The following ANK3 variants were observed in gnomAD, a reference collection of about 807,000 sequenced individuals.
ANK3 encodes the protein ankyrin-3.
Under a neutral mutation model 370.9 loss-of-function variants are expected in ANK3, and 57 were observed. That is an observed-to-expected ratio of 0.15 (90% CI 0.12 to 0.19). The LOEUF is 0.19. Among genes scored for constraint, ANK3 ranks in the 10% least tolerant of loss-of-function variants. The pLI is 1.00. For synonymous variants in ANK3, 1,929 were observed against 1,946.3 expected (o/e 0.99, Z 0.23); for missense variants, 4,439 against 5,302.1 (o/e 0.84, Z 5.06).
chr10:60,186,579 C>A (rs1402897362), intron 17 of ANK3, 136 bp downstream of exon 17: 1 of 1,019,928 alleles, frequency 9.8e-7, no homozygotes, highest in Non-Finnish European at 1.5e-6. Flanking sequence ...TTAAGTAACA[C>A]TTTGGTAAAC....
chr10:60,057,864 C>T (rs10761446), intron 41 of ANK3, among the ~76,000 whole-genome samples: 100,819 of 152,052 alleles, frequency 0.66, 35,600 homozygotes, highest in East Asian at 0.84. Flanking sequence ...TTCTTTGCAA[C>T]TGTCTCTTTT....
chr10:60,582,557 G>A (rs1231332204), intron 2 of ANK3, among the ~76,000 whole-genome samples: 2 of 151,684 alleles, frequency 1.3e-5, no homozygotes, highest in Admixed American at 1.3e-4. Context: ...AGGCCCAATG[G>A]GACTTCAGGC....
chr10:60,415,721 T>C (rs2132939876), intron 2 of ANK3, among the ~76,000 whole-genome samples: 1 of 152,282 alleles, frequency 6.6e-6, no homozygotes, highest in Non-Finnish European at 1.5e-5. Context: ...CTGTTTGTTA[T>C]AGGAGAGTCA....
chr10:60,645,524 G>C (rs1464511556), intron 1 of ANK3, among the ~76,000 whole-genome samples: 1 of 152,024 alleles, frequency 6.6e-6, no homozygotes, highest in African/African-American at 2.4e-5. Context: ...TCAGGAGTTC[G>C]AGACTAGCCT....
In ANK3 at chr10:60,628,601, A is replaced by C. The variant is rs190668548; in HGVS notation, c.58-13377T>G. ...AAGATTGTTGGAGAGCTCCCAGACA[A>C]AATGGTTTCAAGAAAATAAAACAAT... On this transcript the variant is annotated intron_variant, in intron 1 of 43. Coordinates refer to the ANK3 transcript ENST00000373827. Among the ~76,000 whole-genome samples, 808 of 152,306 alleles carry C rather than the reference A, an allele frequency of 5.3e-3. 3 individuals are homozygous for C. Among genetic ancestry groups the C allele is most frequent in the Middle Eastern group, 0.027 (8 of 294 alleles).
chr10:60,351,359 C>T (rs1249184095), intron 1 of ANK3, among the ~76,000 whole-genome samples: 1 of 152,142 alleles, frequency 6.6e-6, no homozygotes, highest in Non-Finnish European at 1.5e-5. Context: ...CAAATCTGCC[C>T]ATAACCAGTC....
chr10:60,489,748 CAA>C (rs2075445133), intron 2 of ANK3, among the ~76,000 whole-genome samples: 1 of 152,054 alleles, frequency 6.6e-6, no homozygotes, highest in African/African-American at 2.4e-5. Context: ...CCTGGTTCCA[CAA>C]AAGCATGTGC....
In ANK3 at chr10:60,430,505, C is replaced by T. The variant is rs72806184; in HGVS notation, c.97-150866G>A. ...AAAAATGAGGTTAAATTCGGGGTGA[C>T]GATGTAATTCTTTGTTCAAATCAGG... On this transcript the variant is annotated intron_variant, in intron 2 of 43. Transcript: ENST00000373827. Among the ~76,000 whole-genome samples the T allele has an allele frequency of 5.3e-3, 804 of 151,708 alleles. 4 individuals are homozygous for T. The highest frequency in any genetic ancestry group is 9.5e-3 in the South Asian group (45 of 4,742).
chr10:60,694,428 T>G (rs1402525297), intron 1 of ANK3, among the ~76,000 whole-genome samples: 1 of 151,908 alleles, frequency 6.6e-6, no homozygotes, highest in Non-Finnish European at 1.5e-5. Flanking sequence ...GAAGAGCAAC[T>G]CCAAGACAAA....
At chr10:60,290,283 G>A (rs1345199529) in intron 1 of ANK3, among the ~76,000 whole-genome samples, 3 of 152,204 alleles carry the variant, frequency 2.0e-5, no homozygotes, top group Non-Finnish European at 4.4e-5. Flanking sequence ...TCAAGTATGT[G>A]TTTTGGGTGT....
chr10:60,375,772 CA>C (rs1299688876), intron 1 of ANK3, among the ~76,000 whole-genome samples: 2 of 152,318 alleles, frequency 1.3e-5, no homozygotes, highest in Non-Finnish European at 2.9e-5. Context: ...TAAACACATA[CA>C]GGTATTTATC....
At chr10:60,397,201 T>TAAAA (rs200880865) in intron 2 of ANK3, among the ~76,000 whole-genome samples, 1 of 139,900 alleles carries the variant, frequency 7.1e-6, no homozygotes. Flanking sequence ...ATAGTAGGAT[T>TAAAA]AAAAAAAAAA....
chr10:60,696,762 A>C (rs879403195), intron 1 of ANK3, among the ~76,000 whole-genome samples: 6,626 of 146,248 alleles, frequency 0.045, 317 homozygotes, highest in Admixed American at 0.14. Flanking sequence ...TCAAAATAAT[A>C]AGAGCTATCT....
intron 2 of ANK3, among the ~76,000 whole-genome samples, chr10:60,563,856 A>G (rs1015285286): frequency 6.6e-6 from 1 of 152,168 alleles, no homozygotes; most frequent in African/African-American, 2.4e-5. Context: ...CAGTAAATCT[A>G]TCTCACTAAG....
intron 1 of ANK3, among the ~76,000 whole-genome samples, chr10:60,616,249 T>C (rs1986253899): frequency 6.6e-6 from 1 of 152,182 alleles, no homozygotes; most frequent in Non-Finnish European, 1.5e-5. Context: ...CTCAGCTACA[T>C]TTTCTTATTT....
chr10:60,667,337 TA>T (rs1355804031), intron 1 of ANK3, among the ~76,000 whole-genome samples: 2 of 151,338 alleles, frequency 1.3e-5, no homozygotes, highest in Non-Finnish European at 2.9e-5. Context: ...GGCCCACTCT[TA>T]AAAGTCTAAG....
intron 28 of ANK3, among the ~76,000 whole-genome samples, chr10:60,101,365 A>G (rs1275476047): frequency 1.3e-5 from 2 of 151,876 alleles, no homozygotes; most frequent in Admixed American, 1.3e-4. Context: ...ACTACAAAAC[A>G]CTCTTTGGGG....
At chr10:60,262,344 T>C (rs1456675869) in intron 6 of ANK3, among the ~76,000 whole-genome samples, 2 of 152,226 alleles carry the variant, frequency 1.3e-5, no homozygotes, top group Non-Finnish European at 2.9e-5. Context: ...AATTAGTTTA[T>C]ATATTTGATA....
chr10:60,323,692 G>A (rs2049167703), intron 1 of ANK3, among the ~76,000 whole-genome samples: 1 of 152,200 alleles, frequency 6.6e-6, no homozygotes, highest in Non-Finnish European at 1.5e-5. Context: ...ATCACCTAAT[G>A]ACTGAGCTCA....
Sources: allele counts gnomAD v4.1 joint callset (sites outside exome capture counted in the v4.1 genomes callset), GRCh38; gene constraint gnomAD v4.1.1; transcripts MANE v1.5; gene names NCBI Gene and HGNC (gene_info 2026-07-23, HGNC 2026-07-21).